MTUS2: variants seen among roughly 807,000 people sequenced by gnomAD.
MTUS2 encodes microtubule-associated tumor suppressor candidate 2.
A neutral mutation model predicts 114.1 loss-of-function variants in MTUS2; 40 were observed. The observed-to-expected ratio is 0.35, with a 90% CI of 0.27 to 0.46. The LOEUF is 0.46. MTUS2 is among the 20% of genes least tolerant of loss of function. The probability of loss-of-function intolerance (pLI) is 1.00; values close to 1 mark genes in which losing one functional copy is unlikely to be tolerated. For missense variants in MTUS2, 1,679 were observed against 1,705.4 expected (o/e 0.98, Z 0.27); for synonymous variants, 688 against 672.0 (o/e 1.02, Z -0.37).
chr13:28,983,356 G>A (rs1884442291), intron 2 of MTUS2, among the ~76,000 whole-genome samples: 1 of 152,214 alleles, frequency 6.6e-6, no homozygotes, highest in Non-Finnish European at 1.5e-5. Flanking sequence ...GTGGCCAGAA[G>A]CCATGTGTGG....
chr13:29,473,967 G>A (rs1880506430), intron 9 of MTUS2, among the ~76,000 whole-genome samples: 1 of 152,144 alleles, frequency 6.6e-6, no homozygotes, highest in Non-Finnish European at 1.5e-5. Context: ...GACTTCTGAA[G>A]GTTTACTAGA....
intron 5 of MTUS2, among the ~76,000 whole-genome samples, chr13:29,139,966 C>T (rs537022797): frequency 2.0e-5 from 3 of 152,264 alleles, no homozygotes; most frequent in South Asian, 2.1e-4. Flanking sequence ...TAGTCAGCAA[C>T]GTTTTTGCAA....
At chr13:29,232,636 C>A (rs985890966) in intron 5 of MTUS2, among the ~76,000 whole-genome samples, 1 of 152,014 alleles carries the variant, frequency 6.6e-6, no homozygotes, top group African/African-American at 2.4e-5. Context: ...ATTTTTTTAC[C>A]TGAATTAACT....
At chr13:29,254,176 G>A (rs1897220371) in intron 5 of MTUS2, among the ~76,000 whole-genome samples, 1 of 152,200 alleles carries the variant, frequency 6.6e-6, no homozygotes, top group African/African-American at 2.4e-5. Context: ...GGCTAATTGT[G>A]AATAATTTTA....
intron 10 of MTUS2, among the ~76,000 whole-genome samples, chr13:29,483,296 T>A (rs1354383064): frequency 2.6e-5 from 4 of 152,158 alleles, no homozygotes; most frequent in African/African-American, 9.7e-5. Context: ...TTACTCAAAT[T>A]GGGACTCGCC....
At chr13:29,094,653 C>T (rs1171377027) in intron 4 of MTUS2, among the ~76,000 whole-genome samples, 4 of 151,864 alleles carry the variant, frequency 2.6e-5, no homozygotes, top group Non-Finnish European at 5.9e-5. Context: ...TTGGCTTTCT[C>T]TCCTGTTTTT....
chr13:29,281,305 C>A (rs560099340), intron 5 of MTUS2, among the ~76,000 whole-genome samples: 40 of 152,100 alleles, frequency 2.6e-4, no homozygotes, highest in African/African-American at 9.4e-4. Context: ...CGCTGTATTT[C>A]AAAAATAAAA....
chr13:29,054,748 T>C (rs952155189), intron 4 of MTUS2, among the ~76,000 whole-genome samples: 1 of 152,150 alleles, frequency 6.6e-6, no homozygotes, highest in African/African-American at 2.4e-5. Context: ...TTTTAATTTC[T>C]AGGTACACCT....
intron 2 of MTUS2, among the ~76,000 whole-genome samples, chr13:28,964,521 C>A (rs2138226469): frequency 6.6e-6 from 1 of 152,134 alleles, no homozygotes; most frequent in Non-Finnish European, 1.5e-5. Flanking sequence ...CTGGCACAGC[C>A]ACTGCACCTA....
intron 9 of MTUS2, among the ~76,000 whole-genome samples, chr13:29,442,025 AG>A (rs1201453489): frequency 6.6e-6 from 1 of 152,192 alleles, no homozygotes; most frequent in Non-Finnish European, 1.5e-5. Flanking sequence ...GCCAAAGAAC[AG>A]GTTTCACCTC....
intron 2 of MTUS2, among the ~76,000 whole-genome samples, chr13:28,917,289 G>A (rs145177819): frequency 1.9e-3 from 289 of 151,948 alleles, no homozygotes; most frequent in African/African-American, 6.6e-3. Flanking sequence ...AATGAATTTG[G>A]AAGTGTCCTC....
chr13:29,134,755 C>T (rs114617685), intron 5 of MTUS2, among the ~76,000 whole-genome samples: 4 of 152,142 alleles, frequency 2.6e-5, no homozygotes, highest in Admixed American at 6.5e-5. Flanking sequence ...CCGCCACACA[C>T]CTGGCTAATT....
At chr13:29,293,578 T>A (rs537929345) in intron 6 of MTUS2, among the ~76,000 whole-genome samples, 2 of 152,210 alleles carry the variant, frequency 1.3e-5, no homozygotes, top group East Asian at 3.9e-4. Context: ...TATTTCTACT[T>A]CTAGGACCCT....
intron 6 of MTUS2, among the ~76,000 whole-genome samples, chr13:29,312,186 G>A (rs1899800089): frequency 6.6e-6 from 1 of 152,138 alleles, no homozygotes; most frequent in South Asian, 2.1e-4. Context: ...AGAAATCTTT[G>A]CCCAAACCTC....
intron 5 of MTUS2, among the ~76,000 whole-genome samples, chr13:29,140,839 A>G (rs1238421296): frequency 6.6e-6 from 1 of 152,188 alleles, no homozygotes; most frequent in African/African-American, 2.4e-5. Flanking sequence ...GTGTGTCTGC[A>G]GGTGATACTT....
chr13:29,072,521 T>C (rs1370267095), intron 4 of MTUS2, among the ~76,000 whole-genome samples: 1 of 152,224 alleles, frequency 6.6e-6, no homozygotes, highest in East Asian at 1.9e-4. Context: ...GGGCACTCCA[T>C]AGAAAAGACT....
intron 8 of MTUS2, among the ~76,000 whole-genome samples, chr13:29,367,780 C>G (rs1297463045): frequency 2.6e-5 from 4 of 150,966 alleles, no homozygotes; most frequent in Non-Finnish European, 3.0e-5. Flanking sequence ...GAATTATGTG[C>G]ATATACAGCT....
At chr13:29,448,406 A>G (rs1034122813) in intron 9 of MTUS2, among the ~76,000 whole-genome samples, 4 of 152,212 alleles carry the variant, frequency 2.6e-5, no homozygotes, top group Admixed American at 6.5e-5. Context: ...GAAGTTCTCA[A>G]TCACCCCAGC....
intron 2 of MTUS2, among the ~76,000 whole-genome samples, chr13:28,872,105 A>G (rs916076549): frequency 6.6e-6 from 1 of 152,224 alleles, no homozygotes. Flanking sequence ...GACCATGGTT[A>G]TAAGTGGGTA....
Sources: gnomAD v4.1 joint callset for allele counts (sites outside exome capture counted in the v4.1 genomes callset) on GRCh38, gnomAD v4.1.1 for gene constraint, MANE v1.5 for transcripts, NCBI Gene and HGNC (gene_info 2026-07-23, HGNC 2026-07-21) for gene names.